Variants in RBFOX1 observed in about 807,000 individuals in gnomAD.
RBFOX1 encodes the protein RNA binding protein fox-1 homolog 1.
In RBFOX1, 8 loss-of-function variants were observed where a neutral mutation model predicts 57.7. The observed-to-expected ratio is 0.14, with a 90% CI of 0.08 to 0.25. The LOEUF (loss-of-function observed/expected upper bound fraction) is 0.25. Among genes scored for constraint, RBFOX1 ranks in the 10% least tolerant of loss-of-function variants. The pLI is 1.00. For missense variants in RBFOX1, 611 were observed against 548.5 expected, an observed-to-expected ratio of 1.11 and a Z score of -1.14; for synonymous variants, 326 against 222.4, an observed-to-expected ratio of 1.47 and a Z score of -4.15.
chr16:6,772,765 A>C (rs62652899), intron 3 of RBFOX1, among the ~76,000 whole-genome samples: 1 of 146,128 alleles, frequency 6.8e-6, no homozygotes, highest in Non-Finnish European at 1.5e-5. Context: ...GTGTGTGTGC[A>C]TATGTTGGGA....
At chr16:5,640,971 CACACATACATGCAT>C (rs1233397901) in intron 3 of RBFOX1, among the ~76,000 whole-genome samples, 1 of 151,722 alleles carries the variant, frequency 6.6e-6, no homozygotes, top group East Asian at 1.9e-4. Context: ...CACACATGCA[CACACATACATGCAT>C]ATCATGCATA....
chr16:7,395,488 C>A (rs142197511), intron 4 of RBFOX1, among the ~76,000 whole-genome samples: 52 of 152,202 alleles, frequency 3.4e-4, no homozygotes, highest in African/African-American at 1.2e-3. Context: ...ACATTTTGGG[C>A]AATAAATTGT....
chr16:5,246,239 C>T (rs1056092276), intron 1 of RBFOX1, among the ~76,000 whole-genome samples: 4 of 152,126 alleles, frequency 2.6e-5, no homozygotes, highest in Non-Finnish European at 5.9e-5. Context: ...GAGCGAGACT[C>T]TGTTTCAAAA....
chr16:7,666,305 TGAAAG>T (rs943274008), intron 13 of RBFOX1, among the ~76,000 whole-genome samples: 1 of 151,168 alleles, frequency 6.6e-6, no homozygotes, highest in African/African-American at 2.4e-5. Flanking sequence ...GCTTTAGAAA[TGAAAG>T]GGAATAGACA....
Position 7,270,543 on chromosome 16 carries a change from A to G in RBFOX1, c.27+218445A>G, listed in dbSNP as rs190348803. On this transcript the variant is annotated intron_variant, in intron 4 of 15. Coordinates refer to ENST00000550418, the MANE Select transcript of RBFOX1 (RefSeq NM_018723.4). ...GCAGTTTCAGACCTTCTTGCAATGCAGTGGTGGCTCACTGCTGGCCCACAG... is the reference window on the plus strand; with the variant it reads ...GCAGTTTCAGACCTTCTTGCAATGCGGTGGTGGCTCACTGCTGGCCCACAG... 5.9e-5 allele frequency among the ~76,000 whole-genome samples: 9 copies of G among 152,344 alleles called. No homozygotes were observed. The East Asian group carries it at 1.7e-3, about 29-fold the overall frequency.
rs182320634 is a variant in RBFOX1, at chr16:7,113,541, A to G, written c.27+61443A>G. Among the ~76,000 whole-genome samples the G allele has an allele frequency of 3.1e-3, 466 of 152,270 alleles. 1 individual carries two copies. The highest frequency in any genetic ancestry group is 6.8e-3 in the Middle Eastern group (2 of 294). ...ACTACTTAGATGTATTGTAACAGGA[A>G]TATATTATGCAATTATGCACCCGCA... On this transcript the variant is annotated intron_variant, in intron 4 of 15. Transcript: ENST00000550418.
chr16:7,132,990 C>T (rs2070935674), intron 4 of RBFOX1, among the ~76,000 whole-genome samples: 1 of 152,052 alleles, frequency 6.6e-6, no homozygotes, highest in Non-Finnish European at 1.5e-5. Context: ...AACCGTTATA[C>T]CAGGAAATAA....
rs150055837 is a variant in RBFOX1, at chr16:5,529,254, C to G, written c.258+62000C>G. Among the ~76,000 whole-genome samples, 1,112 of 152,130 alleles carry G rather than the reference C, an allele frequency of 7.3e-3. 11 individuals carry two copies. The highest frequency in any genetic ancestry group is 0.012 in the Non-Finnish European group (793 of 68,010). ...ACTTTGTTATGGGTTGAATTTTGTC[C>G]CCTCCCAAATTCATTTGTTAAAGTC... On this transcript the variant is annotated intron_variant, in intron 2 of 2. Coordinates refer to the RBFOX1 transcript ENST00000585867.
chr16:7,263,945 A>G (rs1453627579), intron 4 of RBFOX1, among the ~76,000 whole-genome samples: 1 of 151,254 alleles, frequency 6.6e-6, no homozygotes. Flanking sequence ...AACAAGTAGA[A>G]GGAAGGAGTG....
At chr16:7,468,436 T>G (rs979546743) in intron 4 of RBFOX1, among the ~76,000 whole-genome samples, 1 of 151,836 alleles carries the variant, frequency 6.6e-6, no homozygotes, top group Non-Finnish European at 1.5e-5. Context: ...ATGCCGCTTA[T>G]TTTTGAGTCA....
At chr16:5,881,158 A>G (rs1472288789) in intron 4 of RBFOX1, among the ~76,000 whole-genome samples, 4 of 152,200 alleles carry the variant, frequency 2.6e-5, no homozygotes, top group Admixed American at 6.5e-5. Context: ...ACCCCTGTAG[A>G]ATCTTGGATC....
chr16:7,158,223 G>C (rs555678765), intron 4 of RBFOX1, among the ~76,000 whole-genome samples: 1 of 152,146 alleles, frequency 6.6e-6, no homozygotes, highest in Admixed American at 6.5e-5. Flanking sequence ...GTGGGCTCCT[G>C]TAATCCCAGC....
intron 3 of RBFOX1, among the ~76,000 whole-genome samples, chr16:7,018,926 C>G (rs558665108): frequency 2.0e-5 from 3 of 152,080 alleles, no homozygotes; most frequent in Non-Finnish European, 1.5e-5. Context: ...CAAGACCAGC[C>G]TGGGCAACAC....
intron 3 of RBFOX1, among the ~76,000 whole-genome samples, chr16:5,748,109 T>G (rs1345908888): frequency 6.6e-6 from 1 of 152,230 alleles, no homozygotes; most frequent in Non-Finnish European, 1.5e-5. Context: ...AACATCTTTA[T>G]TTCTGCCTTC....
intron 4 of RBFOX1, among the ~76,000 whole-genome samples, chr16:7,138,309 A>G (rs1342391869): frequency 6.6e-6 from 1 of 152,218 alleles, no homozygotes; most frequent in Non-Finnish European, 1.5e-5. Context: ...CTTCAGCAAC[A>G]TGACTCATTA....
intron 3 of RBFOX1, among the ~76,000 whole-genome samples, chr16:5,814,297 G>A (rs1056658740): frequency 1.3e-5 from 2 of 151,948 alleles, no homozygotes; most frequent in Admixed American, 1.3e-4. Flanking sequence ...AGTGACAAAG[G>A]GATTGTACTC....
intron 3 of RBFOX1, among the ~76,000 whole-genome samples, chr16:5,731,193 G>A (rs1264377115): frequency 2.0e-5 from 3 of 151,340 alleles, no homozygotes; most frequent in Non-Finnish European, 4.4e-5. Context: ...TGTCACCAGT[G>A]TCACCGTTAT....
At chr16:7,473,148 T>C (rs183888658) in intron 4 of RBFOX1, among the ~76,000 whole-genome samples, 56 of 151,922 alleles carry the variant, frequency 3.7e-4, no homozygotes, top group African/African-American at 1.3e-3. Flanking sequence ...GAGGCTGAGG[T>C]GGGTGAATTG....
At chr16:6,859,152 T>A (rs11859545) in intron 3 of RBFOX1, among the ~76,000 whole-genome samples, 2 of 77,140 alleles carry the variant, frequency 2.6e-5, no homozygotes, top group Admixed American at 1.4e-4. Flanking sequence ...TATATATATA[T>A]GTATATATAT....
Sources: gnomAD v4.1 joint callset for allele counts (sites outside exome capture counted in the v4.1 genomes callset) on GRCh38, gnomAD v4.1.1 for gene constraint, MANE v1.5 for transcripts, NCBI Gene and HGNC (gene_info 2026-07-23, HGNC 2026-07-21) for gene names.